GSE1: variants seen among roughly 807,000 people sequenced by gnomAD.
GSE1 encodes the protein Gse1 coiled-coil protein, also known as genetic suppressor element 1.
In GSE1, 32 loss-of-function variants were observed where a neutral mutation model predicts 112.6. The observed-to-expected ratio is 0.28, with a 90% CI of 0.21 to 0.38. The LOEUF (loss-of-function observed/expected upper bound fraction) is 0.38, where lower values mean the gene tolerates loss of function less well. Among genes scored for constraint, GSE1 ranks in the 10% least tolerant of loss-of-function variants. The pLI, the probability that GSE1 is intolerant of heterozygous loss-of-function variation, is 1.00. For synonymous variants in GSE1, 1,115 were observed against 735.6 expected (o/e 1.52, Z -8.35); for missense variants, 2,348 against 1,699.2 (o/e 1.38, Z -6.71).
chr16:85,219,172 C>T (rs893039782), intron 1 of GSE1, among the ~76,000 whole-genome samples: 21 of 152,162 alleles, frequency 1.4e-4, no homozygotes, highest in African/African-American at 4.8e-4. Flanking sequence ...GCCACCGCGC[C>T]CGGCCTAATT....
At position 85,628,789 on chromosome 16, in the gene GSE1, GC is replaced by G. The variant is rs902489257; in HGVS notation, c.8-5123del. ...AGTGAAAGACATAGCTCTTCTCGTT[GC>G]CATCTGAAGACACTGCCAGTAGCCT... is the stretch of plus-strand genomic sequence containing the variant. On this transcript the variant is annotated intron_variant, in intron 1 of 15. Coordinates refer to ENST00000253458, the MANE Select transcript of GSE1 (RefSeq NM_014615.5). Among the ~76,000 whole-genome samples, 120 of 152,360 alleles carry G rather than the reference GC, an allele frequency of 7.9e-4. 2 individuals carry two copies. Among genetic ancestry groups the G allele is most frequent in the African/African-American group, 2.9e-3 (120 of 41,566 alleles).
chr16:85,319,428 C>T (rs554285432), intron 1 of GSE1, among the ~76,000 whole-genome samples: 120 of 152,300 alleles, frequency 7.9e-4, no homozygotes, highest in Non-Finnish European at 6.6e-4. Context: ...AGCCTGTGTC[C>T]GCCCTGGCAG....
At chr16:85,592,923 GCCTGGACTC>G (rs1203735891) in intron 1 of GSE1, 1 of 152,380 alleles carries the variant, frequency 6.6e-6, no homozygotes, top group Admixed American at 6.5e-5. Flanking sequence ...AGGCGAGGGT[GCCTGGACTC>G]CCTCATGGCT....
chr16:85,547,724 T>G (rs1263281597), intron 2 of GSE1, among the ~76,000 whole-genome samples: 1 of 150,954 alleles, frequency 6.6e-6, no homozygotes, highest in Non-Finnish European at 1.5e-5. Context: ...CTACTAAAAA[T>G]ACAAAAATTA....
intron 2 of GSE1, among the ~76,000 whole-genome samples, chr16:85,508,649 G>A (rs1049961834): frequency 1.1e-4 from 17 of 152,218 alleles, no homozygotes; most frequent in African/African-American, 2.7e-4. Flanking sequence ...TCGTGGACAC[G>A]TGGCAATAGT....
intron 2 of GSE1, among the ~76,000 whole-genome samples, chr16:85,431,218 G>T (rs1309033881): frequency 6.6e-6 from 1 of 152,198 alleles, no homozygotes; most frequent in East Asian, 1.9e-4. Context: ...GCAGGAGCCA[G>T]AGACCCAAGG....
At chr16:85,550,081 C>T (rs1368047442) in intron 2 of GSE1, among the ~76,000 whole-genome samples, 1 of 152,170 alleles carries the variant, frequency 6.6e-6, no homozygotes, top group African/African-American at 2.4e-5. Flanking sequence ...TGTGATTACA[C>T]GTATCTTCCT....
At chr16:85,185,484 A>T (rs1054320804) in intron 1 of GSE1, 2 of 152,294 alleles carry the variant, frequency 1.3e-5, no homozygotes, top group Non-Finnish European at 2.9e-5. Context: ...AGAGCGCAGC[A>T]TCTGGCCTGC....
chr16:85,670,162 G>A (rs938692183), intron 14 of GSE1, among the ~76,000 whole-genome samples: 1 of 152,214 alleles, frequency 6.6e-6, no homozygotes, highest in African/African-American at 2.4e-5. Flanking sequence ...GGGGGTCTTT[G>A]GATTTTTGTG....
intron 2 of GSE1, among the ~76,000 whole-genome samples, chr16:85,644,514 A>G (rs1487573762): frequency 6.6e-6 from 1 of 152,138 alleles, no homozygotes; most frequent in Non-Finnish European, 1.5e-5. Context: ...TAGGTGCTGC[A>G]ATGTGGATGA....
chr16:85,429,866 T>C (rs778145882), intron 2 of GSE1, among the ~76,000 whole-genome samples: 3 of 152,222 alleles, frequency 2.0e-5, no homozygotes, highest in Non-Finnish European at 2.9e-5. Flanking sequence ...AGCTTACTCA[T>C]GGATGTGTGT....
In GSE1 at chr16:85,314,319, C is replaced by T. The variant is rs2045938963; in HGVS notation, c.2284-43144C>T. The stretch of plus-strand genomic sequence containing the variant: ...GAATGCTGCCACCTCCCAGGAGTCC[C>T]TTGGAAAGGTCTTGAGTCTGCGCTG... On this transcript the variant is annotated intron_variant, in intron 1 of 2. Transcript: ENST00000637419. Among the ~76,000 whole-genome samples, 7 of 152,200 alleles carry T rather than the reference C, an allele frequency of 4.6e-5. No homozygotes were observed. In the South Asian group the frequency reaches 1.4e-3, roughly 32 times the overall value.
At chr16:85,433,200 G>A (rs2049162595) in intron 2 of GSE1, among the ~76,000 whole-genome samples, 1 of 151,986 alleles carries the variant, frequency 6.6e-6, no homozygotes, top group Non-Finnish European at 1.5e-5. Context: ...ACTGGCCCCA[G>A]ACATTCTCTT....
chr16:85,232,251 G>C (rs1904294270), intron 1 of GSE1, among the ~76,000 whole-genome samples: 1 of 152,212 alleles, frequency 6.6e-6, no homozygotes, highest in African/African-American at 2.4e-5. Flanking sequence ...AAGAGAAGCT[G>C]TGGCCACAGT....
At chr16:85,624,860 G>A (rs537191193) in intron 1 of GSE1, among the ~76,000 whole-genome samples, 13 of 152,322 alleles carry the variant, frequency 8.5e-5, no homozygotes, top group African/African-American at 2.4e-4. Context: ...GCTGGGAATC[G>A]GCCGGCATGG....
chr16:85,591,326 C>G (rs746109082), intron 1 of GSE1, among the ~76,000 whole-genome samples: 33 of 152,342 alleles, frequency 2.2e-4, no homozygotes, highest in Non-Finnish European at 3.8e-4. Context: ...GCTACCCTGT[C>G]ACCCCCAGCC....
At chr16:85,608,196 A>G (rs1268690776), upstream of GSE1, among the ~76,000 whole-genome samples, 1 of 152,120 alleles carries the variant, frequency 6.6e-6, no homozygotes, top group African/African-American at 2.4e-5. Context: ...GTGGAATCTA[A>G]GTGGTGGGGG....
chr16:85,649,802 G>T (rs744257), intron 3 of GSE1, among the ~76,000 whole-genome samples: 46,998 of 152,078 alleles, frequency 0.31, 8,885 homozygotes, highest in East Asian at 0.64. Flanking sequence ...AGTCACTCTT[G>T]CCTGAAGCTC....
chr16:85,609,036 G>A (rs1245002270), upstream of GSE1, among the ~76,000 whole-genome samples: 1 of 152,216 alleles, frequency 6.6e-6, no homozygotes, highest in African/African-American at 2.4e-5. Context: ...TAGGCCGTGT[G>A]CTCAGACTTA....
Sources: gnomAD v4.1 joint callset for allele counts (sites outside exome capture counted in the v4.1 genomes callset) on GRCh38, gnomAD v4.1.1 for gene constraint, MANE v1.5 for transcripts, NCBI Gene and HGNC (gene_info 2026-07-23, HGNC 2026-07-21) for gene names.